Variants in MN1 observed in about 807,000 individuals in gnomAD.
MN1 encodes the protein transcriptional activator MN1.
MN1 carries 19 observed loss-of-function variants against 86.9 expected under a neutral mutation model. That is an observed-to-expected ratio of 0.22 (90% CI 0.15 to 0.32). The LOEUF (loss-of-function observed/expected upper bound fraction) is 0.32. MN1 is among the 10% of genes least tolerant of loss of function. MN1 has a pLI of 1.00. For synonymous variants in MN1, 928 were observed against 849.6 expected (o/e 1.09, Z -1.60); for missense variants, 1,841 against 1,862.0 (o/e 0.99, Z 0.21).
chr22:27,798,650 A>G lies in MN1; in HGVS notation c.1894T>C (p.Phe632Leu). The G allele has an allele frequency of 6.4e-7, 1 of 1,559,176 alleles. No homozygotes were observed. Among genetic ancestry groups the G allele is most frequent in the Non-Finnish European group, 8.6e-7 (1 of 1,160,994 alleles). ...APHLAQESAW[F>L]SGPHPPPGDL... The stretch of plus-strand genomic sequence containing the variant: ...CCGGGCGGCGGATGCGGACCTGAGA[A>G]CCACGCGCTCTCTTGCGCCAAGTGC... The change falls in exon 1 of 2, where the codon TTC becomes CTC. Residue 632 changes from phenylalanine to leucine, a missense_variant. Transcript: ENST00000302326.
At position 27,750,890 on chromosome 22, in the gene MN1, T is replaced by C. The variant is rs1238735751; in HGVS notation, c.*25A>G. On this transcript the variant is annotated 3_prime_UTR_variant, in exon 2 of 2. Transcript: ENST00000302326. ...AGACAGGGGGAGAGGAAGGGCCTGG[T>C]AGAGGAGGGGATCTTTCTTGTCATT... The C allele has an allele frequency of 1.9e-6, 3 of 1,550,506 alleles. No homozygotes were observed. Among genetic ancestry groups the C allele is most frequent in the African/African-American group, 2.7e-5 (2 of 73,576 alleles).
Position 27,749,442 on chromosome 22 carries a change from G to A in MN1, c.*1473C>T. ...TATATATTTGGGTGAAGTGATATCA[G>A]TTACTTCCTGTCTAACCCACCGGGG... On this transcript the variant is annotated 3_prime_UTR_variant, in exon 2 of 2. Coordinates refer to ENST00000302326, the MANE Select transcript of MN1 (RefSeq NM_002430.3). The A allele has an allele frequency of 4.3e-6, 1 of 231,866 alleles. No homozygotes were observed. The highest frequency in any genetic ancestry group is 8.5e-6 in the Non-Finnish European group (1 of 117,180). 14.4% of individuals were successfully genotyped at this position (231,866 alleles called of 1,614,324 possible).
chr22:27,794,180 G>A (rs960483203), intron 1 of MN1, among the ~76,000 whole-genome samples: 1 of 152,156 alleles, frequency 6.6e-6, no homozygotes, highest in Admixed American at 6.5e-5. Context: ...GGGGACTCAG[G>A]GGCCTGTAGA....
intron 1 of MN1, among the ~76,000 whole-genome samples, chr22:27,760,255 G>A (rs1324315265): frequency 1.3e-5 from 2 of 152,114 alleles, no homozygotes; most frequent in Non-Finnish European, 2.9e-5. Flanking sequence ...TGAGGCAGGA[G>A]AATCGCTTGA....
At chr22:27,762,969 A>G (rs1471985245) in intron 1 of MN1, among the ~76,000 whole-genome samples, 2 of 152,126 alleles carry the variant, frequency 1.3e-5, no homozygotes, top group African/African-American at 4.8e-5. Flanking sequence ...TTAGCCAAGC[A>G]TGGTGGTGTG....
intron 1 of MN1, among the ~76,000 whole-genome samples, chr22:27,779,318 T>C (rs1367544118): frequency 2.6e-5 from 4 of 152,116 alleles, no homozygotes; most frequent in African/African-American, 7.2e-5. Flanking sequence ...CTGGATAGAA[T>C]AGCTGACTGA....
chr22:27,785,768 C>T (rs1203197280), intron 1 of MN1, among the ~76,000 whole-genome samples: 3 of 151,962 alleles, frequency 2.0e-5, no homozygotes, highest in Non-Finnish European at 4.4e-5. Flanking sequence ...TGGCCCCTCC[C>T]AGCCCCACCA....
At position 27,797,979 on chromosome 22, in the gene MN1, C is replaced by G; in HGVS notation, c.2565G>C (p.Glu855Asp). ...CGTTCTGGCTCAGTTTCCTCTTGCCCTCTGGCGGGTTCTTCTTGTTGAAGG... is the reference window on the plus strand; with the variant it reads ...CGTTCTGGCTCAGTTTCCTCTTGCCGTCTGGCGGGTTCTTCTTGTTGAAGG... The part of the protein sequence containing the change: ...NVTFNKKNPP[E>D]GKRKLSQNET... The change falls in exon 1 of 2, where the codon GAG (glutamate) becomes GAC (aspartate). Residue 855 changes from glutamate to aspartate, a missense_variant. Physicochemically the swap from Glu to Asp is conservative, Grantham distance 45. Coordinates refer to ENST00000302326, the MANE Select transcript of MN1 (RefSeq NM_002430.3). The G allele has an allele frequency of 6.3e-7, 1 of 1,592,608 alleles. No individual in the cohort carries two copies. Among genetic ancestry groups the G allele is most frequent in the Non-Finnish European group, 8.5e-7 (1 of 1,170,978 alleles).
intron 1 of MN1, among the ~76,000 whole-genome samples, chr22:27,762,199 C>T (rs1266221007): frequency 6.6e-6 from 1 of 152,134 alleles, no homozygotes; most frequent in Non-Finnish European, 1.5e-5. Context: ...TGACAGGCCC[C>T]GGGGGGCTGA....
intron 1 of MN1, among the ~76,000 whole-genome samples, chr22:27,788,421 C>T (rs1007179690): frequency 1.3e-5 from 2 of 152,172 alleles, no homozygotes; most frequent in Non-Finnish European, 2.9e-5. Flanking sequence ...CCCCTGCTTT[C>T]TCTGGAAGAC....
chr22:27,779,942 G>GC (rs1418408815), intron 1 of MN1, among the ~76,000 whole-genome samples: 2 of 152,120 alleles, frequency 1.3e-5, no homozygotes, highest in African/African-American at 4.8e-5. Context: ...CCACTGACAT[G>GC]CCCCATGCCC....
rs773674938 is a variant in MN1 at position 27,750,901 on chromosome 22, ATCTT to A, written c.*10_*13del. ...GAGGAAGGGCCTGGTAGAGGAGGGG[ATCTT>A]TCTTGTCATTCAAGTTAGGGCAGCC... On this transcript the variant is annotated 3_prime_UTR_variant, in exon 2 of 2. Coordinates refer to ENST00000302326, the MANE Select transcript of MN1 (RefSeq NM_002430.3). The A allele has an allele frequency of 1.3e-4, 205 of 1,568,298 alleles. No individual in the cohort carries two copies. Among genetic ancestry groups the A allele is most frequent in the Non-Finnish European group, 1.7e-4 (194 of 1,151,620 alleles).
rs765707963 is a variant in MN1 at position 27,798,128 on chromosome 22, A to G, written c.2416T>C (p.Ser806Pro). Residue 806 changes from serine to proline, a missense_variant, in exon 1 of 2, where the codon TCG becomes CCG. Ser to Pro is a moderately conservative substitution (Grantham distance 74). Coordinates refer to ENST00000302326, the MANE Select transcript of MN1 (RefSeq NM_002430.3). ...RTSASKLGAL[S>P]LGSFNKPSSK... ...CTGGGCTTGTTGAAGGAGCCCAGCG[A>G]GAGCGCGCCCAATTTACTGGCCGAG... is the stretch of plus-strand genomic sequence containing the variant. The G allele has an allele frequency of 1.2e-6, 2 of 1,606,596 alleles. No homozygotes were observed. Among genetic ancestry groups the G allele is most frequent in the Non-Finnish European group, 1.7e-6 (2 of 1,178,360 alleles).
chr22:27,788,818 G>A (rs1486162765), intron 1 of MN1, among the ~76,000 whole-genome samples: 1 of 152,054 alleles, frequency 6.6e-6, no homozygotes, highest in Non-Finnish European at 1.5e-5. Flanking sequence ...CAGGCACACT[G>A]GGGCCCTCAA....
chr22:27,763,564 G>A (rs924369713), intron 1 of MN1, among the ~76,000 whole-genome samples: 1 of 152,192 alleles, frequency 6.6e-6, no homozygotes, highest in Non-Finnish European at 1.5e-5. Context: ...TGCAAAGAAG[G>A]GGATGAATTG....
At chr22:27,763,972 G>A (rs983796748) in intron 1 of MN1, among the ~76,000 whole-genome samples, 5 of 152,148 alleles carry the variant, frequency 3.3e-5, no homozygotes, top group African/African-American at 4.8e-5. Flanking sequence ...AGAGGAGCAC[G>A]CCAAACCCAG....
chr22:27,787,997 G>A lies in MN1; in HGVS notation c.3781+8766C>T, dbSNP rs564488342. On this transcript the variant is annotated intron_variant, in intron 1 of 1. Transcript: ENST00000302326. Reference sequence around the variant, plus strand: ...GGGAGCCCCGAGCCCCACAGGGAAAGCTTGGGCAAGAACCTTCTGTCCTTT... The same window carrying A: ...GGGAGCCCCGAGCCCCACAGGGAAAACTTGGGCAAGAACCTTCTGTCCTTT... 2.0e-5 allele frequency among the ~76,000 whole-genome samples: 3 copies of A among 152,358 alleles called. No individual in the cohort carries two copies. The East Asian group carries it at 5.8e-4, about 29-fold the overall frequency.
At position 27,799,830 on chromosome 22, in the gene MN1, C is replaced by T. The variant is rs755678985; in HGVS notation, c.714G>A (p.Glu238=). 1.4e-5 allele frequency: 22 copies of T among 1,596,818 alleles called. No homozygotes were observed. In the South Asian group the frequency reaches 2.4e-4, roughly 17 times the overall value. The change falls in exon 1 of 2, where the codon GAG becomes GAA. Residue 238 remains glutamate (E), a synonymous_variant. Coordinates refer to ENST00000302326, the MANE Select transcript of MN1 (RefSeq NM_002430.3). Reference sequence around the variant, plus strand: ...ACATGTCAAAATGTCCCGAGGGCGCCTCGCCCGGGTAATTGTATTCCAGCG... The same window carrying T: ...ACATGTCAAAATGTCCCGAGGGCGCTTCGCCCGGGTAATTGTATTCCAGCG... The part of the protein sequence containing the change: ...VDSLEYNYPG[E]APSGHFDMFS...
At position 27,798,312 on chromosome 22, in the gene MN1, C is replaced by T. The variant is rs778640430; in HGVS notation, c.2232G>A (p.Pro744=). The T allele has an allele frequency of 2.2e-5, 34 of 1,521,302 alleles. No homozygotes were observed. Among genetic ancestry groups the T allele is most frequent in the Non-Finnish European group, 2.7e-5 (31 of 1,143,820 alleles). 94.2% of individuals were successfully genotyped at this position (1,521,302 alleles called of 1,614,324 possible). A position where few individuals can be genotyped will look rare whatever the true frequency, so the allele number is the denominator to read the frequency against. Residue 744 remains proline (P), a synonymous_variant, in exon 1 of 2, where the codon CCG becomes CCA. Transcript: ENST00000302326. ...DFATSALGGQ[P]GFPFGAAGRQ... The stretch of plus-strand genomic sequence containing the variant: ...GGCCGGCTGCACCAAACGGAAAGCC[C>T]GGCTGGCCCCCGAGCGCAGACGTAG...
Sources: allele counts gnomAD v4.1 joint callset (sites outside exome capture counted in the v4.1 genomes callset), GRCh38; gene constraint gnomAD v4.1.1; transcripts MANE v1.5; gene names NCBI Gene and HGNC (gene_info 2026-07-23, HGNC 2026-07-21).